HAS3: variants seen among roughly 807,000 people sequenced by gnomAD.
HAS3 encodes the protein hyaluronan synthase 3.
HAS3 carries 27 observed loss-of-function variants against 50.3 expected under a neutral mutation model. The observed-to-expected ratio is 0.54, with a 90% CI of 0.40 to 0.74. The LOEUF (loss-of-function observed/expected upper bound fraction) is 0.74, where lower values mean the gene tolerates loss of function less well. HAS3 is among the 30% of genes least tolerant of loss of function. The pLI is 0.00. For missense variants in HAS3, 517 were observed against 742.8 expected, an observed-to-expected ratio of 0.70 and a Z score of 3.53; for synonymous variants, 339 against 310.9, an observed-to-expected ratio of 1.09 and a Z score of -0.95.
At chr16:69,087,512 A>G in the HAS3 span, among the ~76,000 whole-genome samples, 2 of 149,710 alleles carry the variant, frequency 1.3e-5, no homozygotes, top group African/African-American at 4.9e-5. Context: ...ATAATTTCCC[A>G]TATTTCCCAA....
chr16:69,117,221 T>C lies in HAS3; in HGVS notation c.*1955T>C, dbSNP rs1961223094. The C allele has an allele frequency of 4.1e-6, 4 of 985,864 alleles. No individual in the cohort carries two copies. The highest frequency in any genetic ancestry group is 4.8e-6 in the Non-Finnish European group (4 of 829,932). The allele number at this position is 985,864 out of a possible 1,614,324, so 61.1% of individuals were successfully genotyped here. A position where few individuals can be genotyped will look rare whatever the true frequency, so the allele number is the denominator to read the frequency against. ...GTCAGCCAAGTGCAGAGTTCAGACTTCGCTAAGGGCTTGTTTTTCTTCAGC... is the reference window on the plus strand; with the variant it reads ...GTCAGCCAAGTGCAGAGTTCAGACTCCGCTAAGGGCTTGTTTTTCTTCAGC... On this transcript the variant is annotated 3_prime_UTR_variant, in exon 4 of 4. Coordinates refer to ENST00000569188, the MANE Select transcript of HAS3 (RefSeq NM_001199280.2).
chr16:69,097,258 C>CTT, the HAS3 span, among the ~76,000 whole-genome samples: 3 of 151,954 alleles, frequency 2.0e-5, no homozygotes, highest in African/African-American at 7.3e-5. Context: ...AGGTGGATCA[C>CTT]AAGGTCAGGA....
At chr16:69,108,139 G>GT (rs1463707473) in intron 1 of HAS3, among the ~76,000 whole-genome samples, 1 of 152,162 alleles carries the variant, frequency 6.6e-6, no homozygotes, top group Non-Finnish European at 1.5e-5. Flanking sequence ...AGGAGATAGT[G>GT]TGGGTCAGAA....
In HAS3 at chr16:69,114,723, T is replaced by C. The variant is rs1482550485; in HGVS notation, c.1119T>C (p.His373=). The part of the protein sequence containing the change: ...REWLYNSLWF[H]KHHLWMTYES... ...GGCTCTACAACTCTCTGTGGTTCCA[T>C]AAGCACCACCTCTGGATGACCTACG... is the stretch of plus-strand genomic sequence containing the variant. The change falls in exon 4 of 4, where the codon CAT becomes CAC. Residue 373 remains histidine, a synonymous_variant. Coordinates refer to ENST00000569188, the MANE Select transcript of HAS3 (RefSeq NM_001199280.2). The surrounding 1 kb of genome is among the most constrained non-coding windows in gnomAD (Gnocchi z 6.4). 3.1e-6 allele frequency: 5 copies of C among 1,614,054 alleles called. No individual in the cohort carries two copies. Among genetic ancestry groups the C allele is most frequent in the Non-Finnish European group, 3.4e-6 (4 of 1,179,940 alleles).
Position 69,109,370 on chromosome 16 carries a change from C to A in HAS3, c.1-26C>A. ...TGGAAATGCTGCCTCCTGCCTGACC[C>A]TTCATCTCCTGCCTTCTCTCGCCAG... On this transcript the variant is annotated intron_variant, in intron 1 of 3. Transcript: ENST00000569188. The surrounding 1 kb of genome is among the most constrained non-coding windows in gnomAD (Gnocchi z 5.3). 6.3e-7 allele frequency: 1 copy of A among 1,578,420 alleles called. No homozygotes were observed. Among genetic ancestry groups the A allele is most frequent in the Non-Finnish European group, 8.6e-7 (1 of 1,165,694 alleles).
chr16:69,117,126 G>C lies in HAS3; in HGVS notation c.*1860G>C. The C allele has an allele frequency of 1.0e-6, 1 of 985,848 alleles. No individual in the cohort carries two copies. Among genetic ancestry groups the C allele is most frequent in the Non-Finnish European group, 1.2e-6 (1 of 829,942 alleles). The allele number at this position is 985,848 out of a possible 1,614,324, so 61.1% of individuals were successfully genotyped here. Reference sequence around the variant, plus strand: ...AAGGCAGCAGGCATTTGCTAAGGCAGCTGATCCAGGCAATCGTTCTGCTGG... The same window carrying C: ...AAGGCAGCAGGCATTTGCTAAGGCACCTGATCCAGGCAATCGTTCTGCTGG... On this transcript the variant is annotated 3_prime_UTR_variant, in exon 4 of 4. Transcript: ENST00000569188.
the HAS3 span, among the ~76,000 whole-genome samples, chr16:69,085,791 C>G: frequency 6.7e-6 from 1 of 149,826 alleles, no homozygotes; most frequent in African/African-American, 2.5e-5. Context: ...ATTGGCCAGG[C>G]TGATCTTGAA....
intron 2 of HAS3, 23 bp downstream of exon 2, chr16:69,110,054 G>A (rs781104620): frequency 8.0e-5 from 127 of 1,581,862 alleles, no homozygotes; most frequent in African/African-American, 4.0e-5. Flanking sequence ...CCCTAGGAGC[G>A]TGTGTACATG....
Position 69,107,779 on chromosome 16 carries a change from G to A in HAS3, c.1-1617G>A, listed in dbSNP as rs1051499796. 12 of 857,480 alleles carry A rather than the reference G, an allele frequency of 1.4e-5. No homozygotes were observed. The Admixed American group carries it at 3.1e-4, about 22-fold the overall frequency. The allele number at this position is 857,480 out of a possible 1,614,324, so 53.1% of individuals were successfully genotyped here. A position where few individuals can be genotyped will look rare whatever the true frequency, so the allele number is the denominator to read the frequency against. On this transcript the variant is annotated intron_variant, in intron 1 of 3. Coordinates refer to ENST00000569188, the MANE Select transcript of HAS3 (RefSeq NM_001199280.2). The surrounding 1 kb of genome is among the most constrained non-coding windows in gnomAD (Gnocchi z 5.5). ...CTGGGCCGCAGGCGCGAGCAGTAGG[G>A]TGGCAACAGGGAGGGCTGGGAGTCC... is the stretch of plus-strand genomic sequence containing the variant.
In HAS3 at chr16:69,106,516, A is replaced by G. The variant is rs1960800485; in HGVS notation, c.-1+729A>G. 6.6e-6 allele frequency: 1 copy of G among 151,726 alleles called. No homozygotes were observed. Among genetic ancestry groups the G allele is most frequent in the Admixed American group, 6.6e-5 (1 of 15,236 alleles). 9.4% of individuals were successfully genotyped at this position (151,726 alleles called of 1,614,324 possible). A position where few individuals can be genotyped will look rare whatever the true frequency, so the allele number is the denominator to read the frequency against. The stretch of plus-strand genomic sequence containing the variant: ...CGGGCTTCCCGGCGGCCGTTCCTGC[A>G]GCCCCCTCCCCACTGACCCCTCCTC... On this transcript the variant is annotated intron_variant, in intron 1 of 3. Transcript: ENST00000569188. This position sits in a 1 kb window ranked among gnomAD's most constrained non-coding sequence, Gnocchi z 5.5.
the HAS3 span, among the ~76,000 whole-genome samples, chr16:69,100,449 G>T: frequency 6.6e-6 from 1 of 152,196 alleles, no homozygotes; most frequent in Non-Finnish European, 1.5e-5. Flanking sequence ...AAACTTGGAG[G>T]GTTGGAGGCA....
At chr16:69,087,453 T>C in the HAS3 span, among the ~76,000 whole-genome samples, 2 of 152,336 alleles carry the variant, frequency 1.3e-5, no homozygotes, top group African/African-American at 4.8e-5. Flanking sequence ...TGTTATTTAA[T>C]CAGAAATCTC....
At chr16:69,105,069 GCGATTTCAGCTCA>G (rs1273388126), upstream of HAS3, among the ~76,000 whole-genome samples, 5 of 130,972 alleles carry the variant, frequency 3.8e-5, no homozygotes, top group African/African-American at 1.4e-4. Flanking sequence ...GTGCAGTGGT[GCGATTTCAGCTCA>G]CTGCAACCTC....
chr16:69,083,739 C>T, the HAS3 span: 1 of 1,467,650 alleles, frequency 6.8e-7, no homozygotes, highest in Non-Finnish European at 9.1e-7. Context: ...GCAGGTGGCC[C>T]TGCTGCCTCT....
Position 69,116,009 on chromosome 16 carries a change from AC to A in HAS3, c.*745del. On this transcript the variant is annotated 3_prime_UTR_variant, in exon 4 of 4. Transcript: ENST00000569188. ...GCTACACAGAGGCCTTGGGTGTTCC[AC>A]CTGGAAACTGCTCAGACGTCTAGAT... The A allele has an allele frequency of 1.0e-6, 1 of 985,620 alleles. No individual in the cohort carries two copies. Among genetic ancestry groups the A allele is most frequent in the Non-Finnish European group, 1.2e-6 (1 of 829,812 alleles). 61.1% of individuals were successfully genotyped at this position (985,620 alleles called of 1,614,324 possible).
At position 69,117,477 on chromosome 16, in the gene HAS3, T is replaced by G; in HGVS notation, c.*2211T>G. 3.0e-6 allele frequency: 3 copies of G among 985,248 alleles called. No homozygotes were observed. The highest frequency in any genetic ancestry group is 2.4e-6 in the Non-Finnish European group (2 of 829,376). 61.0% of individuals were successfully genotyped at this position (985,248 alleles called of 1,614,324 possible). A position where few individuals can be genotyped will look rare whatever the true frequency, so the allele number is the denominator to read the frequency against. ...CCCGTTTCTTGCAAGGGAAGAGCCT[T>G]TATACAATTGGACGCATTTTGGTTT... is the stretch of plus-strand genomic sequence containing the variant. On this transcript the variant is annotated 3_prime_UTR_variant, in exon 4 of 4. Transcript: ENST00000569188.
rs1961194995 is a variant in HAS3 at position 69,116,630 on chromosome 16, C to T, written c.*1364C>T. ...CCAGAAACCAAACTAGGAGATGAAA[C>T]TGGTTCCTACATCCTAAGGTTCTTG... On this transcript the variant is annotated 3_prime_UTR_variant, in exon 4 of 4. Coordinates refer to ENST00000569188, the MANE Select transcript of HAS3 (RefSeq NM_001199280.2). 1 of 985,236 alleles carries T rather than the reference C, an allele frequency of 1.0e-6. No individual in the cohort carries two copies. The highest frequency in any genetic ancestry group is 4.7e-5 in the South Asian group (1 of 21,290). The allele number at this position is 985,236 out of a possible 1,614,324, so 61.0% of individuals were successfully genotyped here. A position where few individuals can be genotyped will look rare whatever the true frequency, so the allele number is the denominator to read the frequency against.
chr16:69,089,401 A>G, the HAS3 span, among the ~76,000 whole-genome samples: 1 of 152,122 alleles, frequency 6.6e-6, no homozygotes, highest in African/African-American at 2.4e-5. Context: ...GAGGTGCCAC[A>G]TTTCCCTGAC....
the HAS3 span, among the ~76,000 whole-genome samples, chr16:69,088,902 G>A: frequency 1.6e-4 from 25 of 152,198 alleles, no homozygotes; most frequent in Non-Finnish European, 2.2e-4. Context: ...AGCCTGGGCA[G>A]CAGAGTGAGA....
Sources: allele counts gnomAD v4.1 joint callset (sites outside exome capture counted in the v4.1 genomes callset), GRCh38; gene constraint gnomAD v4.1.1; non-coding constraint Gnocchi (gnomAD v3.1); transcripts MANE v1.5; gene names NCBI Gene and HGNC (gene_info 2026-07-23, HGNC 2026-07-21).